The following RPS6KC1 variants were observed in gnomAD, a reference collection of about 807,000 sequenced individuals.
RPS6KC1 encodes the protein inactive ribosomal protein S6 kinase delta-1.
A neutral mutation model predicts 103.8 loss-of-function variants in RPS6KC1; 54 were observed. The ratio of observed to expected loss-of-function variants is 0.52; its 90% CI spans 0.42 to 0.65. The LOEUF is 0.65. RPS6KC1 is among the 30% of genes least tolerant of loss of function. RPS6KC1 has a pLI of 0.00. For synonymous variants in RPS6KC1, 439 were observed against 438.7 expected, an observed-to-expected ratio of 1.00 and a Z score of -0.01; for missense variants, 1,151 against 1,253.8, an observed-to-expected ratio of 0.92 and a Z score of 1.24.
At chr1:213,176,692 A>C in intron 8 of RPS6KC1, 200 bp downstream of exon 8, 1 of 379,326 alleles carries the variant, frequency 2.6e-6, no homozygotes, top group Non-Finnish European at 4.9e-6. Context: ...AATATATTTG[A>C]GCTAAAGGAG....
chr1:213,512,071 T>G, the RPS6KC1 span, among the ~76,000 whole-genome samples: 1 of 152,236 alleles, frequency 6.6e-6, no homozygotes, highest in Admixed American at 6.5e-5. Context: ...AGTCAGCTTT[T>G]AATGTTACTC....
the RPS6KC1 span, among the ~76,000 whole-genome samples, chr1:213,364,182 CTTTA>C: frequency 2.0e-5 from 3 of 152,160 alleles, no homozygotes; most frequent in African/African-American, 7.2e-5. Context: ...TTCAATACAA[CTTTA>C]TTTACAAAAA....
At chr1:213,327,236 A>AAAAGAAAGAAAGAAAGAAAG in the RPS6KC1 span, among the ~76,000 whole-genome samples, 3,650 of 144,630 alleles carry the variant, frequency 0.025, 61 homozygotes, top group South Asian at 0.045. Flanking sequence ...GAAAGAAAAG[A>AAAAGAAAGAAAGAAAGAAAG]AAAGAAAGAA....
At position 213,144,961 on chromosome 1, in the gene RPS6KC1, C is replaced by T. The variant is rs144055030; in HGVS notation, c.835+15072C>T. Among the ~76,000 whole-genome samples the T allele has an allele frequency of 8.6e-3, 1,305 of 152,046 alleles. 26 individuals carry two copies. The highest frequency in any genetic ancestry group is 0.029 in the African/African-American group (1,209 of 41,494). ...ATGGTGGTGGGTGCCTGTAATCCCACCTACTCAGGAGACTGAGGCAGGAGA... is the reference window on the plus strand; with the variant it reads ...ATGGTGGTGGGTGCCTGTAATCCCATCTACTCAGGAGACTGAGGCAGGAGA... On this transcript the variant is annotated intron_variant, in intron 6 of 14. Coordinates refer to ENST00000366960, the MANE Select transcript of RPS6KC1 (RefSeq NM_012424.6).
At chr1:213,401,984 C>T in the RPS6KC1 span, among the ~76,000 whole-genome samples, 1 of 152,098 alleles carries the variant, frequency 6.6e-6, no homozygotes, top group Non-Finnish European at 1.5e-5. Context: ...GATGAGATCT[C>T]ACTATACTAG....
chr1:213,734,928 T>A, the RPS6KC1 span, among the ~76,000 whole-genome samples: 1 of 151,632 alleles, frequency 6.6e-6, no homozygotes, highest in Non-Finnish European at 1.5e-5. Context: ...TGTTGTTGTT[T>A]GTTGTTGTTG....
the RPS6KC1 span, among the ~76,000 whole-genome samples, chr1:213,763,372 G>A: frequency 6.6e-3 from 1,010 of 152,268 alleles, 15 homozygotes; most frequent in Admixed American, 0.031. Context: ...CCCTTTCCCT[G>A]ATGGGAATAC....
the RPS6KC1 span, among the ~76,000 whole-genome samples, chr1:213,507,399 C>T: frequency 1.3e-5 from 2 of 152,030 alleles, no homozygotes; most frequent in Admixed American, 6.6e-5. Context: ...TTGCAGTTGA[C>T]CTGGGTAGAG....
chr1:213,433,794 ATTG>A, the RPS6KC1 span, among the ~76,000 whole-genome samples: 1 of 152,184 alleles, frequency 6.6e-6, no homozygotes, highest in Admixed American at 6.5e-5. Context: ...TTAAAAAATT[ATTG>A]TTTGGTTACT....
chr1:213,304,138 G>A, the RPS6KC1 span, among the ~76,000 whole-genome samples: 2 of 148,058 alleles, frequency 1.4e-5, no homozygotes, highest in Non-Finnish European at 3.0e-5. Context: ...CCCGGGAGGC[G>A]GAGCTTGCAG....
chr1:213,781,039 A>G, the RPS6KC1 span, among the ~76,000 whole-genome samples: 1 of 152,112 alleles, frequency 6.6e-6, no homozygotes, highest in Non-Finnish European at 1.5e-5. Flanking sequence ...AAAAACAAAC[A>G]ACAAACAAAC....
chr1:213,677,758 A>G, the RPS6KC1 span, among the ~76,000 whole-genome samples: 1 of 152,144 alleles, frequency 6.6e-6, no homozygotes, highest in Non-Finnish European at 1.5e-5. Flanking sequence ...CTGTAATCCC[A>G]GCACTTTGGG....
At chr1:213,507,549 ATT>A in the RPS6KC1 span, among the ~76,000 whole-genome samples, 58 of 142,690 alleles carry the variant, frequency 4.1e-4, no homozygotes, top group African/African-American at 5.3e-4. Context: ...CAACCCTCTC[ATT>A]TTTTTTTTTT....
the RPS6KC1 span, among the ~76,000 whole-genome samples, chr1:213,783,813 G>A: frequency 4.2e-5 from 1 of 23,884 alleles, no homozygotes; most frequent in Non-Finnish European, 7.4e-5. Context: ...GAAAGATGTT[G>A]CCAAAAAAAA....
chr1:213,394,120 G>T, the RPS6KC1 span, among the ~76,000 whole-genome samples: 3 of 152,114 alleles, frequency 2.0e-5, no homozygotes, highest in Non-Finnish European at 4.4e-5. Context: ...TTAGCTGAGT[G>T]CAGAGTCCGA....
chr1:213,504,223 C>T, the RPS6KC1 span, among the ~76,000 whole-genome samples: 1 of 152,132 alleles, frequency 6.6e-6, no homozygotes, highest in African/African-American at 2.4e-5. Flanking sequence ...AGAAATAATT[C>T]TATCATAGTC....
chr1:213,747,352 G>A, the RPS6KC1 span, among the ~76,000 whole-genome samples: 5 of 152,150 alleles, frequency 3.3e-5, no homozygotes, highest in East Asian at 9.6e-4. Flanking sequence ...GAGCAGTTTT[G>A]GAAGAGTATT....
At chr1:213,561,772 T>G in the RPS6KC1 span, among the ~76,000 whole-genome samples, 1 of 152,256 alleles carries the variant, frequency 6.6e-6, no homozygotes, top group Non-Finnish European at 1.5e-5. Context: ...CTCTAAAATA[T>G]TTTTGAGAGC....
chr1:213,651,882 G>A, the RPS6KC1 span, among the ~76,000 whole-genome samples: 3 of 152,262 alleles, frequency 2.0e-5, no homozygotes, highest in East Asian at 1.9e-4. Flanking sequence ...TCCTTCCCAC[G>A]TGGCCTGAGC....
Sources: gnomAD v4.1 joint callset for allele counts (sites outside exome capture counted in the v4.1 genomes callset) on GRCh38, gnomAD v4.1.1 for gene constraint, MANE v1.5 for transcripts, NCBI Gene and HGNC (gene_info 2026-07-23, HGNC 2026-07-21) for gene names.